The following MTF1 variants were observed in gnomAD, a reference collection of about 807,000 sequenced individuals.
The protein encoded by MTF1 is MRE-binding transcription factor.
In MTF1, 22 loss-of-function variants were observed where a neutral mutation model predicts 70.4. The observed-to-expected ratio is 0.31, with a 90% CI of 0.22 to 0.45. MTF1 has a LOEUF of 0.45. Among genes scored for constraint, MTF1 ranks in the 20% least tolerant of loss-of-function variants. The pLI, the probability that MTF1 is intolerant of heterozygous loss-of-function variation, is 1.00. For synonymous variants in MTF1, 333 were observed against 352.8 expected (o/e 0.94, Z 0.63); for missense variants, 649 against 922.0 (o/e 0.70, Z 3.83).
chr1:37,857,641 T>C lies in MTF1; in HGVS notation c.18A>G (p.Pro6=). The C allele has an allele frequency of 1.2e-6, 2 of 1,613,894 alleles. No homozygotes were observed. Among genetic ancestry groups the C allele is most frequent in the Non-Finnish European group, 1.7e-6 (2 of 1,179,998 alleles). Residue 6 remains proline (P), a synonymous_variant, in exon 2 of 11, where the codon CCA becomes CCG. Transcript: ENST00000373036. ...CCTCAAAGTAGATGATGTTGTTGTC[T>C]GGACTGTGTTCCCCCATGGTTCAGT... MGEHS[P]DNNIIYFEAE... is the part of the protein sequence containing the mutation.
rs146482779 is a variant in MTF1, at chr1:37,854,340, G to T, written c.408+2911C>A. 2.9e-3 allele frequency among the ~76,000 whole-genome samples: 435 copies of T among 152,214 alleles called. 1 individual carries two copies. Among genetic ancestry groups the T allele is most frequent in the Non-Finnish European group, 5.1e-3 (348 of 68,010 alleles). On this transcript the variant is annotated intron_variant, in intron 2 of 10. Transcript: ENST00000373036. Reference sequence around the variant, plus strand: ...TATTCTTAATAAGGCTTACATGCAGGTCTCCATTTTCATTTTTGTTAGATC... The same window carrying T: ...TATTCTTAATAAGGCTTACATGCAGTTCTCCATTTTCATTTTTGTTAGATC...
At chr1:37,829,896 G>C (rs1278350342) in intron 7 of MTF1, among the ~76,000 whole-genome samples, 1 of 152,150 alleles carries the variant, frequency 6.6e-6, no homozygotes, top group Admixed American at 6.5e-5. Flanking sequence ...TGGGTACCAG[G>C]AGCATGATCT....
At chr1:37,832,383 T>C (rs1335227989) in intron 6 of MTF1, 61 bp from the exon 7 acceptor site, 12 of 1,057,604 alleles carry the variant, frequency 1.1e-5, no homozygotes, top group Non-Finnish European at 1.7e-5. Context: ...TGGCATATCA[T>C]GTAACAAAAC....
intron 2 of MTF1, among the ~76,000 whole-genome samples, chr1:37,843,585 T>C (rs1326993284): frequency 2.0e-5 from 3 of 152,214 alleles, no homozygotes; most frequent in Non-Finnish European, 2.9e-5. Context: ...TAGTCACCTC[T>C]GCATGTTAAA....
Position 37,812,917 on chromosome 1 carries a change from T to C in MTF1, c.*2219A>G, listed in dbSNP as rs1640758824. The C allele has an allele frequency of 6.6e-6, 1 of 152,200 alleles. No homozygotes were observed. Among genetic ancestry groups the C allele is most frequent in the Non-Finnish European group, 1.5e-5 (1 of 68,040 alleles). The allele number at this position is 152,200 out of a possible 1,614,324, so 9.4% of individuals were successfully genotyped here. On this transcript the variant is annotated 3_prime_UTR_variant, in exon 11 of 11. Transcript: ENST00000373036. ...CTGGAAACCTCCTGCCTTATCAACT[T>C]CTGCTGAGGTCAATGGTCAACAGAA...
At position 37,815,288 on chromosome 1, in the gene MTF1, G is replaced by C. The variant is rs1423681786; in HGVS notation, c.2110C>G (p.Pro704Ala). The change falls in exon 11 of 11, where the codon CCT (proline) becomes GCT (alanine). Residue 704 changes from proline (P) to alanine (A), a missense_variant. Pro to Ala is a conservative substitution (Grantham distance 27, BLOSUM62 -1). Coordinates refer to ENST00000373036, the MANE Select transcript of MTF1 (RefSeq NM_005955.3). This position sits in a 1 kb window ranked among gnomAD's most constrained non-coding sequence, Gnocchi z 4.5. ...AATGTTTCTGTCTGAGGGTCTGAAGGAGTCTCTGCTTGTCGGCTTTGCTCA... is the reference window on the plus strand; with the variant it reads ...AATGTTTCTGTCTGAGGGTCTGAAGCAGTCTCTGCTTGTCGGCTTTGCTCA... ...SCEQSRQAET[P>A]SDPQTETLSA... 6.2e-7 allele frequency: 1 copy of C among 1,614,108 alleles called. No homozygotes were observed. Among genetic ancestry groups the C allele is most frequent in the South Asian group, 1.1e-5 (1 of 91,080 alleles).
In MTF1 at chr1:37,853,262, T is replaced by A. The variant is rs566632807; in HGVS notation, c.408+3989A>T. ...TCCCACCATTTCTAGGAGAGTACAG[T>A]TCAAAACCCATAGAAGGTTACCACT... On this transcript the variant is annotated intron_variant, in intron 2 of 10. Transcript: ENST00000373036. Among the ~76,000 whole-genome samples the A allele has an allele frequency of 3.3e-5, 5 of 152,322 alleles. No homozygotes were observed. The East Asian group carries it at 9.6e-4, about 29-fold the overall frequency.
intron 7 of MTF1, among the ~76,000 whole-genome samples, chr1:37,824,864 A>G (rs1640977569): frequency 6.6e-6 from 1 of 152,166 alleles, no homozygotes; most frequent in Admixed American, 6.5e-5. Flanking sequence ...TACTTAATAA[A>G]AGGTCAGAGG....
At chr1:37,817,033 C>A (rs1045353344) in intron 10 of MTF1, among the ~76,000 whole-genome samples, 1 of 152,196 alleles carries the variant, frequency 6.6e-6, no homozygotes, top group Non-Finnish European at 1.5e-5. Flanking sequence ...ATAAAAGGAA[C>A]TTTCAGCTCT....
intron 4 of MTF1, among the ~76,000 whole-genome samples, chr1:37,837,853 T>C (rs183519454): frequency 5.3e-5 from 8 of 152,300 alleles, no homozygotes; most frequent in Admixed American, 3.9e-4. Context: ...TCTATCTATA[T>C]TACATTTAGG....
At position 37,822,305 on chromosome 1, in the gene MTF1, G is replaced by A. The variant is rs1397429098; in HGVS notation, c.1583C>T (p.Pro528Leu). 6.2e-7 allele frequency: 1 copy of A among 1,614,044 alleles called. No individual in the cohort carries two copies. Among genetic ancestry groups the A allele is most frequent in the South Asian group, 1.1e-5 (1 of 91,050 alleles). The change falls in exon 9 of 11, where the codon CCC becomes CTC. Residue 528 changes from proline (P) to leucine (L), a missense_variant. By Grantham distance (98) the Pro-to-Leu change is moderately conservative. Transcript: ENST00000373036. Reference sequence around the variant, plus strand: ...CAGAGTCTGGACCATGGCTGGCAGGGGCTCAGTAGTACTTTGTGGTGGGGC... The same window carrying A: ...CAGAGTCTGGACCATGGCTGGCAGGAGCTCAGTAGTACTTTGTGGTGGGGC... ...APAPPQSTTE[P>L]LPAMVQTLPL...
intron 2 of MTF1, chr1:37,841,113 AGG>A: frequency 6.0e-6 from 1 of 166,606 alleles, no homozygotes; most frequent in South Asian, 1.4e-4. Flanking sequence ...TCACCTCTCG[AGG>A]ATGAGCTTTT....
At chr1:37,850,566 AAGAGAG>A (rs59048233) in intron 2 of MTF1, among the ~76,000 whole-genome samples, 26 of 146,640 alleles carry the variant, frequency 1.8e-4, no homozygotes, top group Non-Finnish European at 2.7e-4. Flanking sequence ...GGGAGAGAGA[AAGAGAG>A]AGAGAGAGAG....
At chr1:37,823,917 T>C (rs149052814) in intron 7 of MTF1, 105 bp from the exon 8 acceptor site, 4 of 812,130 alleles carry the variant, frequency 4.9e-6, no homozygotes, top group East Asian at 2.6e-5. Context: ...TCTTTTGATA[T>C]GCATTTTGTT....
At chr1:37,841,965 T>C (rs1207889172) in intron 2 of MTF1, among the ~76,000 whole-genome samples, 1 of 151,068 alleles carries the variant, frequency 6.6e-6, no homozygotes, top group Non-Finnish European at 1.5e-5. Context: ...AGCCCAGGAG[T>C]TCAAGGTTAC....
intron 2 of MTF1, among the ~76,000 whole-genome samples, chr1:37,856,343 A>G (rs1641494012): frequency 6.6e-6 from 1 of 151,694 alleles, no homozygotes. Context: ...ATGCCTGGCT[A>G]ATTTTTCTAT....
chr1:37,826,552 T>C, intron 7 of MTF1: 1 of 455,404 alleles, frequency 2.2e-6, no homozygotes, highest in Non-Finnish European at 4.4e-6. Context: ...GGATTACAAG[T>C]ATGAGCCACC....
At chr1:37,845,819 A>G (rs1400483808) in intron 2 of MTF1, among the ~76,000 whole-genome samples, 2 of 152,150 alleles carry the variant, frequency 1.3e-5, no homozygotes, top group Non-Finnish European at 2.9e-5. Context: ...AAATATTTGT[A>G]TTTAAAAGTG....
chr1:37,852,792 G>A (rs528273008), intron 2 of MTF1, among the ~76,000 whole-genome samples: 4 of 151,976 alleles, frequency 2.6e-5, no homozygotes, highest in Non-Finnish European at 4.4e-5. Flanking sequence ...CACCACAACC[G>A]GCTAATTTTT....
Sources: allele counts gnomAD v4.1 joint callset (sites outside exome capture counted in the v4.1 genomes callset), GRCh38; gene constraint gnomAD v4.1.1; non-coding constraint Gnocchi (gnomAD v3.1); transcripts MANE v1.5; gene names NCBI Gene and HGNC (gene_info 2026-07-23, HGNC 2026-07-21).